Variants in LRP5 observed in about 807,000 individuals in gnomAD.
LRP5 encodes the protein LDL receptor related protein 5.
LRP5 carries 62 observed loss-of-function variants against 154.1 expected under a neutral mutation model. The ratio of observed to expected loss-of-function variants is 0.40; its 90% confidence interval spans 0.33 to 0.50. The LOEUF (loss-of-function observed/expected upper bound fraction) is 0.50, where lower values mean the gene tolerates loss of function less well. LRP5 is among the 20% of genes least tolerant of loss of function. The pLI, the probability that LRP5 is intolerant of heterozygous loss-of-function variation, is 0.55. For synonymous variants in LRP5, 966 were observed against 1,011.5 expected (o/e 0.96, Z 0.85); for missense variants, 1,915 against 2,336.7 (o/e 0.82, Z 3.72).
chr11:68,424,530 C>T (rs2153173576), intron 14 of LRP5, among the ~76,000 whole-genome samples: 1 of 152,346 alleles, frequency 6.6e-6, no homozygotes, highest in African/African-American at 2.4e-5. Flanking sequence ...TCCCAACAGC[C>T]AGGGCTCCGG....
chr11:68,409,073 A>AATATATATATATATATATATATAT (rs1174773377), intron 9 of LRP5, among the ~76,000 whole-genome samples: 9 of 44,156 alleles, frequency 2.0e-4, no homozygotes, highest in African/African-American at 9.0e-4. Flanking sequence ...AAAAAAAAAA[A>AATATATATATATATATATATATAT]ATATATATAT....
At chr11:68,367,547 T>C (rs954269676) in intron 5 of LRP5, among the ~76,000 whole-genome samples, 5 of 152,240 alleles carry the variant, frequency 3.3e-5, no homozygotes, top group African/African-American at 1.2e-4. Context: ...CCCGGGAACC[T>C]TGGCCTTCTC....
intron 6 of LRP5, among the ~76,000 whole-genome samples, chr11:68,389,473 GACACCAACATTTACCA>G (rs1273137597): frequency 6.6e-6 from 1 of 151,942 alleles, no homozygotes; most frequent in Non-Finnish European, 1.5e-5. Context: ...GGCATCTACT[GACACCAACATTTACCA>G]ACACCAGCAT....
chr11:68,407,841 C>A (rs2098656614), intron 9 of LRP5, among the ~76,000 whole-genome samples: 2 of 151,940 alleles, frequency 1.3e-5, no homozygotes, highest in South Asian at 2.1e-4. Flanking sequence ...AAGTGAAACT[C>A]CGTCTCAGAA....
At chr11:68,425,944 G>A (rs375175685) in intron 15 of LRP5, 34 bp from the exon 16 acceptor site, 1 of 1,588,962 alleles carries the variant, frequency 6.3e-7, no homozygotes, top group African/African-American at 1.3e-5. Context: ...CTGGAGGTCA[G>A]CACTGCTCAG....
Position 68,312,739 on chromosome 11 carries a change from C to A in LRP5, c.25C>A (p.Pro9Thr). MEAAPPGPPWPLLLLLLLL... is the reference protein window; with the variant it reads MEAAPPGPTWPLLLLLLLL... ...CATGGAGGCAGCGCCGCCCGGGCCG[C>A]CGTGGCCGCTGCTGCTGCTGCTGCT... The change falls in exon 1 of 23, where the codon CCG becomes ACG. Residue 9 changes from proline to threonine, a missense_variant. Pro to Thr is a conservative substitution (Grantham distance 38). Coordinates refer to ENST00000294304, the MANE Select transcript of LRP5 (RefSeq NM_002335.4). 1 of 1,063,160 alleles carries A rather than the reference C, an allele frequency of 9.4e-7. No individual in the cohort carries two copies. Among genetic ancestry groups the A allele is most frequent in the South Asian group, 3.0e-5 (1 of 33,262 alleles). The allele number at this position is 1,063,160 out of a possible 1,614,324, so 65.9% of individuals were successfully genotyped here.
rs2098644918 is a variant in LRP5 at position 68,389,321 on chromosome 11, C to T, written c.1413-560C>T. Among the ~76,000 whole-genome samples the T allele has an allele frequency of 2.0e-5, 3 of 152,304 alleles. No homozygotes were observed. In the South Asian group the frequency reaches 6.2e-4, roughly 32 times the overall value. On this transcript the variant is annotated intron_variant, in intron 6 of 22. Transcript: ENST00000294304. ...CGACATTGACATTTACTGACACTGACATCTACTGACACTGGCATCTACTGA... is the reference window on the plus strand; with the variant it reads ...CGACATTGACATTTACTGACACTGATATCTACTGACACTGGCATCTACTGA...
In LRP5 at chr11:68,423,347, C is replaced by G; in HGVS notation, c.3028-142C>G. The G allele has an allele frequency of 1.3e-6, 1 of 787,032 alleles. No individual in the cohort carries two copies. Among genetic ancestry groups the G allele is most frequent in the South Asian group, 1.4e-5 (1 of 72,622 alleles). The allele number at this position is 787,032 out of a possible 1,614,324, so 48.8% of individuals were successfully genotyped here. A position where few individuals can be genotyped will look rare whatever the true frequency, so the allele number is the denominator to read the frequency against. On this transcript the variant is annotated intron_variant, in intron 13 of 22. Coordinates refer to ENST00000294304, the MANE Select transcript of LRP5 (RefSeq NM_002335.4). This position sits in a 1 kb window ranked among gnomAD's most constrained non-coding sequence, Gnocchi z 4.7. ...TGGCCTCTGCTGTCCTGCCAGAGCT[C>G]TCCAGCCAGTGCCCAGGGCTCTCCA...
intron 13 of LRP5, among the ~76,000 whole-genome samples, chr11:68,420,650 A>G (rs1218885411): frequency 6.6e-6 from 1 of 151,162 alleles, no homozygotes; most frequent in East Asian, 2.0e-4. Flanking sequence ...GTTGCAGTGA[A>G]CCAAGATTGT....
In LRP5 at chr11:68,423,777, C is replaced by A; in HGVS notation, c.3236+80C>A. The A allele has an allele frequency of 7.2e-7, 1 of 1,394,488 alleles. No individual in the cohort carries two copies. The highest frequency in any genetic ancestry group is 9.9e-7 in the Non-Finnish European group (1 of 1,010,874). The allele number at this position is 1,394,488 out of a possible 1,614,324, so 86.4% of individuals were successfully genotyped here. ...TCTTCTGCCGAATGCCAGCCTCTCA[C>A]AGGCTGGGGAGACTTTCCACCCTGG... On this transcript the variant is annotated intron_variant, in intron 14 of 22. Transcript: ENST00000294304. This position sits in a 1 kb window ranked among gnomAD's most constrained non-coding sequence, Gnocchi z 4.7.
At position 68,409,222 on chromosome 11, in the gene LRP5, ATAATAT is replaced by A. The variant is rs1305230074; in HGVS notation, c.2092-691_2092-686del. ...ATATTTATAAGTAAATATATAATAT[ATAATAT>A]AAAATATATATTATATAATATATAA... On this transcript the variant is annotated intron_variant, in intron 9 of 22. Coordinates refer to ENST00000294304, the MANE Select transcript of LRP5 (RefSeq NM_002335.4). Among the ~76,000 whole-genome samples the A allele has an allele frequency of 6.0e-4, 36 of 60,358 alleles. 1 individual carries two copies. The highest frequency in any genetic ancestry group is 1.3e-3 in the African/African-American group (29 of 22,638). 39.6% of individuals were successfully genotyped at this position (60,358 alleles called of 152,430 possible). A position where few individuals can be genotyped will look rare whatever the true frequency, so the allele number is the denominator to read the frequency against.
rs745896662 is a variant in LRP5, at chr11:68,423,475, T to G, written c.3028-14T>G. The G allele has an allele frequency of 6.2e-7, 1 of 1,613,500 alleles. No individual in the cohort carries two copies. The highest frequency in any genetic ancestry group is 8.5e-7 in the Non-Finnish European group (1 of 1,179,474). ...CCGCCAGTGCTCAGGAGTCTTGGTT[T>G]CTTTGTCTTACAGCCCTTTGTTTTG... On this transcript the variant is annotated splice_polypyrimidine_tract_variant and intron_variant, in intron 13 of 22. Transcript: ENST00000294304. This position sits in a 1 kb window ranked among gnomAD's most constrained non-coding sequence, Gnocchi z 4.7.
At chr11:68,415,254 A>G (rs2098661885) in intron 12 of LRP5, among the ~76,000 whole-genome samples, 1 of 152,136 alleles carries the variant, frequency 6.6e-6, no homozygotes, top group African/African-American at 2.4e-5. Context: ...TTGTGGTGGC[A>G]TGTGCTGCTC....
In LRP5 at chr11:68,416,448, A is replaced by T. The variant is rs1368218947; in HGVS notation, c.2948A>T (p.Asp983Val). The T allele has an allele frequency of 1.2e-6, 2 of 1,614,042 alleles. No homozygotes were observed. The highest frequency in any genetic ancestry group is 1.7e-6 in the Non-Finnish European group (2 of 1,180,026). Residue 983 changes from aspartate (D) to valine (V), a missense_variant, in exon 13 of 23, where the codon GAC (aspartate) becomes GTC (valine). By Grantham distance (152) the Asp-to-Val change is radical. Transcript: ENST00000294304. ...LHGLRNVKAI[D>V]YDPLDKFIYW... ...GGACTGAGGAACGTCAAAGCCATCG[A>T]CTATGACCCACTGGACAAGTTCATC...
At chr11:68,330,161 T>G (rs1416372109) in intron 1 of LRP5, among the ~76,000 whole-genome samples, 1 of 152,164 alleles carries the variant, frequency 6.6e-6, no homozygotes, top group Non-Finnish European at 1.5e-5. Flanking sequence ...GTGAGAGAGA[T>G]ACATGCCTTC....
intron 1 of LRP5, among the ~76,000 whole-genome samples, chr11:68,314,018 C>T (rs3781601): frequency 6.6e-6 from 1 of 152,252 alleles, no homozygotes; most frequent in East Asian, 1.9e-4. Flanking sequence ...AGTTTCACCC[C>T]AAATCTGCCT....
chr11:68,345,125 A>G (rs2098611838), intron 1 of LRP5, among the ~76,000 whole-genome samples: 1 of 151,542 alleles, frequency 6.6e-6, no homozygotes, highest in African/African-American at 2.4e-5. Context: ...AGCCTCCCCA[A>G]GTGCTGGGAT....
At position 68,374,002 on chromosome 11, in the gene LRP5, C is replaced by T. The variant is rs73513055; in HGVS notation, c.1015+8300C>T. Among the ~76,000 whole-genome samples, 362 of 152,334 alleles carry T rather than the reference C, an allele frequency of 2.4e-3. 2 individuals are homozygous for T. The highest frequency in any genetic ancestry group is 8.6e-3 in the African/African-American group (358 of 41,572). On this transcript the variant is annotated intron_variant, in intron 5 of 22. Transcript: ENST00000294304. ...CCAGAGGGTGGCCAGGCAGTGCTCCCGGCAGCGCCCAGATGAGGCTGGGGT... is the reference window on the plus strand; with the variant it reads ...CCAGAGGGTGGCCAGGCAGTGCTCCTGGCAGCGCCCAGATGAGGCTGGGGT...
At chr11:68,444,625 C>T (rs1413262671) in intron 21 of LRP5, among the ~76,000 whole-genome samples, 1 of 138,788 alleles carries the variant, frequency 7.2e-6, no homozygotes, top group Non-Finnish European at 1.5e-5. Flanking sequence ...AGGGCCTGGC[C>T]GTGGTTCACG....
Sources: gnomAD v4.1 joint callset for allele counts (sites outside exome capture counted in the v4.1 genomes callset) on GRCh38, gnomAD v4.1.1 for gene constraint, Gnocchi (gnomAD v3.1) non-coding constraint, MANE v1.5 for transcripts, NCBI Gene and HGNC (gene_info 2026-07-23, HGNC 2026-07-21) for gene names.